The following UFM1 variants were observed in gnomAD, a reference collection of about 807,000 sequenced individuals.
UFM1 encodes the protein ubiquitin fold modifier 1.
Under a neutral mutation model 15.4 loss-of-function variants are expected in UFM1, and 9 were observed. The observed-to-expected ratio is 0.59, with a 90% CI of 0.35 to 1.02. The LOEUF (loss-of-function observed/expected upper bound fraction) is 1.02, where lower values mean the gene tolerates loss of function less well. Among genes scored for constraint, UFM1 ranks in the 50% least tolerant of loss-of-function variants. The pLI is 0.02. For missense variants in UFM1, 98 were observed against 104.7 expected, an observed-to-expected ratio of 0.94 and a Z score of 0.28; for synonymous variants, 27 against 36.3, an observed-to-expected ratio of 0.74 and a Z score of 0.92.
At chr13:38,353,376 C>T (rs1405731727) in intron 2 of UFM1, among the ~76,000 whole-genome samples, 3 of 152,068 alleles carry the variant, frequency 2.0e-5, no homozygotes, top group Non-Finnish European at 2.9e-5. Context: ...TCTGTTTTCA[C>T]TCATTGTAAT....
Position 38,361,871 on chromosome 13 carries a change from G to C in UFM1, c.*1093G>C, listed in dbSNP as rs1266729356. 1 of 152,208 alleles carries C rather than the reference G, an allele frequency of 6.6e-6. No individual in the cohort carries two copies. The highest frequency in any genetic ancestry group is 1.9e-4 in the East Asian group (1 of 5,198). The allele number at this position is 152,208 out of a possible 1,614,324, so 9.4% of individuals were successfully genotyped here. On this transcript the variant is annotated 3_prime_UTR_variant, in exon 6 of 6. Transcript: ENST00000239878. The stretch of plus-strand genomic sequence containing the variant: ...AACTGCAGAAGGTGTATGTTGGGGA[G>C]AACTGAAAGGGAAAACAAAATACTT...
At position 38,361,278 on chromosome 13, in the gene UFM1, A is replaced by G. The variant is rs1182983810; in HGVS notation, c.*500A>G. 1 of 151,976 alleles carries G rather than the reference A, an allele frequency of 6.6e-6. No individual in the cohort carries two copies. The highest frequency in any genetic ancestry group is 2.4e-5 in the African/African-American group (1 of 41,216). The allele number at this position is 151,976 out of a possible 1,614,324, so 9.4% of individuals were successfully genotyped here. ...GACATATCAGTGAACAGTTAACTAT[A>G]TTAAATTTTTATCATTTACTTTTTT... On this transcript the variant is annotated 3_prime_UTR_variant, in exon 6 of 6. Coordinates refer to ENST00000239878, the MANE Select transcript of UFM1 (RefSeq NM_016617.4).
At chr13:38,353,223 G>GT (rs1165319617) in intron 2 of UFM1, among the ~76,000 whole-genome samples, 1 of 152,116 alleles carries the variant, frequency 6.6e-6, no homozygotes, top group Non-Finnish European at 1.5e-5. Flanking sequence ...TGTAGACTGA[G>GT]TGAGGAGCCT....
intron 2 of UFM1, among the ~76,000 whole-genome samples, chr13:38,353,406 T>TTA (rs1878952582): frequency 6.6e-6 from 1 of 152,182 alleles, no homozygotes; most frequent in Non-Finnish European, 1.5e-5. Context: ...CTTAGGGATC[T>TTA]TATTTTTTAA....
rs1391021586 is a variant in UFM1, at chr13:38,349,887, TGTC to T, written c.-30_-28del. ...GGAAGTCGTGCTACCCCCGCGGAGT[TGTC>T]GTGTGTTCTGGATTCATTCCGGCAC... On this transcript the variant is annotated 5_prime_UTR_variant, in exon 1 of 6. Coordinates refer to ENST00000239878, the MANE Select transcript of UFM1 (RefSeq NM_016617.4). 3.7e-6 allele frequency: 6 copies of T among 1,613,992 alleles called. No individual in the cohort carries two copies. The highest frequency in any genetic ancestry group is 2.7e-5 in the African/African-American group (2 of 74,908).
intron 4 of UFM1, 59 bp from the exon 5 acceptor site, chr13:38,359,239 GCTA>G: frequency 6.5e-7 from 1 of 1,534,386 alleles, no homozygotes; most frequent in Admixed American, 1.7e-5. Flanking sequence ...CTCTTTCCTT[GCTA>G]CTATTTAACC....
intron 2 of UFM1, among the ~76,000 whole-genome samples, chr13:38,353,237 C>T (rs1251197084): frequency 6.6e-6 from 1 of 152,020 alleles, no homozygotes; most frequent in Non-Finnish European, 1.5e-5. Flanking sequence ...GGAGCCTGGG[C>T]ATATACATGA....
chr13:38,350,046 C>T lies in UFM1; in HGVS notation c.50C>T (p.Pro17Leu), dbSNP rs750631146. Residue 17 changes from proline to leucine, a missense_variant, in exon 2 of 6, where the codon CCG becomes CTG. By Grantham distance (98) the Pro-to-Leu change is moderately conservative (BLOSUM62 -3). Coordinates refer to ENST00000239878, the MANE Select transcript of UFM1 (RefSeq NM_016617.4). ...ACGCTGACGTCGGACCCACGGCTGC[C>T]GTACAAAGTGTGAGTAGCTCGGCCG... ...KITLTSDPRL[P>L]YKVLSVPEST... 6 of 1,614,104 alleles carry T rather than the reference C, an allele frequency of 3.7e-6. No homozygotes were observed. In the African/African-American group the frequency reaches 8.0e-5, roughly 22 times the overall value.
chr13:38,353,419 G>A (rs534966129), intron 2 of UFM1, among the ~76,000 whole-genome samples: 1 of 152,064 alleles, frequency 6.6e-6, no homozygotes, highest in African/African-American at 2.4e-5. Context: ...TTTTTTAAAA[G>A]AAGTTTTAAA....
intron 2 of UFM1, chr13:38,350,276 G>C (rs532339006): frequency 6.5e-7 from 1 of 1,543,444 alleles, no homozygotes; most frequent in East Asian, 2.4e-5. Context: ...GCCCCGTCAC[G>C]AGGGTGTGGG....
intron 2 of UFM1, among the ~76,000 whole-genome samples, chr13:38,353,128 A>G (rs1190277423): frequency 3.9e-5 from 6 of 152,204 alleles, no homozygotes; most frequent in Admixed American, 3.9e-4. Flanking sequence ...GAATGAGGGC[A>G]GCCAAGAAAT....
In UFM1 at chr13:38,354,289, CAGA is replaced by C; in HGVS notation, c.116_117+1del. 3 of 1,610,124 alleles carry C rather than the reference CAGA, an allele frequency of 1.9e-6. No individual in the cohort carries two copies. The highest frequency in any genetic ancestry group is 1.1e-5 in the South Asian group (1 of 90,652). Reference sequence around the variant, plus strand: ...TTCACAGCAGTCTTAAAGTTTGCAGCAGAAGAAGTAAGTACAGAAGTTGGAACA... The same window carrying C: ...TTCACAGCAGTCTTAAAGTTTGCAGCAGAAGTAAGTACAGAAGTTGGAACA... On this transcript the variant is annotated inframe_deletion, in exon 3 of 6. Coordinates refer to ENST00000239878, the MANE Select transcript of UFM1 (RefSeq NM_016617.4).
At chr13:38,357,235 C>G (rs887911440) in intron 3 of UFM1, among the ~76,000 whole-genome samples, 1 of 151,902 alleles carries the variant, frequency 6.6e-6, no homozygotes, top group Non-Finnish European at 1.5e-5. Context: ...TGAAAATCTT[C>G]GGTAGGCACC....
At position 38,358,040 on chromosome 13, in the gene UFM1, TG is replaced by T. The variant is rs1313267071; in HGVS notation, c.118-52del. 19 of 468,890 alleles carry T rather than the reference TG, an allele frequency of 4.1e-5. No homozygotes were observed. The African/African-American group carries it at 1.2e-3, about 29-fold the overall frequency. 29.0% of individuals were successfully genotyped at this position (468,890 alleles called of 1,614,324 possible). A position where few individuals can be genotyped will look rare whatever the true frequency, so the allele number is the denominator to read the frequency against. The stretch of plus-strand genomic sequence containing the variant: ...TCTTGCTAATTATCTTATAGTTTTG[TG>T]TGTGTGTGTGTGTGTGTATATATAT... On this transcript the variant is annotated intron_variant, in intron 3 of 5. Transcript: ENST00000239878.
chr13:38,353,649 C>G (rs1322865913), intron 2 of UFM1, among the ~76,000 whole-genome samples: 1 of 151,960 alleles, frequency 6.6e-6, no homozygotes, highest in African/African-American at 2.4e-5. Context: ...TTACTTAGCC[C>G]ACTTTAAATG....
chr13:38,355,277 A>C lies in UFM1; in HGVS notation c.117+981A>C, dbSNP rs149839852. 4.5e-3 allele frequency among the ~76,000 whole-genome samples: 686 copies of C among 152,106 alleles called. 5 individuals carry two copies. The highest frequency in any genetic ancestry group is 0.016 in the African/African-American group (660 of 41,542). Reference sequence around the variant, plus strand: ...TCAGGAATCACTAACATTATTTGTCACTCATTCAGAATTAAACTGCCAACT... The same window carrying C: ...TCAGGAATCACTAACATTATTTGTCCCTCATTCAGAATTAAACTGCCAACT... On this transcript the variant is annotated intron_variant, in intron 3 of 5. Coordinates refer to ENST00000239878, the MANE Select transcript of UFM1 (RefSeq NM_016617.4).
At chr13:38,349,978 C>G (rs372075200) in intron 1 of UFM1, 21 bp from the exon 2 acceptor site, 7 of 1,614,032 alleles carry the variant, frequency 4.3e-6, no homozygotes, top group East Asian at 2.2e-5. Flanking sequence ...GACCCTGACT[C>G]TCTCCCGCTC....
rs1879264037 is a variant in UFM1 at position 38,359,273 on chromosome 13, G to T, written c.158-28G>T. On this transcript the variant is annotated intron_variant, in intron 4 of 5. Coordinates refer to ENST00000239878, the MANE Select transcript of UFM1 (RefSeq NM_016617.4). Reference sequence around the variant, plus strand: ...TAACCATTTTAGCTTTAGAAATAATGTATGTGATTTTACAACTTATTTTCT... The same window carrying T: ...TAACCATTTTAGCTTTAGAAATAATTTATGTGATTTTACAACTTATTTTCT... The T allele has an allele frequency of 1.9e-6, 3 of 1,602,108 alleles. No homozygotes were observed. In the Admixed American group the frequency reaches 5.1e-5, roughly 27 times the overall value.
In UFM1 at chr13:38,360,780, A is replaced by G; in HGVS notation, c.*2A>G. 1 of 1,605,974 alleles carries G rather than the reference A, an allele frequency of 6.2e-7. No individual in the cohort carries two copies. The highest frequency in any genetic ancestry group is 2.2e-5 in the East Asian group (1 of 44,686). ...AGAGATCGTGTTGGAAGTTGTTAAT[A>G]TCTGCTACTTGGAACATACGATTGC... is the stretch of plus-strand genomic sequence containing the variant. On this transcript the variant is annotated 3_prime_UTR_variant, in exon 6 of 6. Coordinates refer to ENST00000239878, the MANE Select transcript of UFM1 (RefSeq NM_016617.4).
Sources: gnomAD v4.1 joint callset for allele counts (sites outside exome capture counted in the v4.1 genomes callset) on GRCh38, gnomAD v4.1.1 for gene constraint, MANE v1.5 for transcripts, NCBI Gene and HGNC (gene_info 2026-07-23, HGNC 2026-07-21) for gene names.